CAMKMT: variants seen among roughly 807,000 people sequenced by gnomAD.
The protein encoded by CAMKMT is calmodulin-lysine N-methyltransferase, also known as CaM KMT.
In CAMKMT, 53 loss-of-function variants were observed where a neutral mutation model predicts 48.0. That is an observed-to-expected ratio of 1.10 (90% CI 0.89 to 1.39). CAMKMT has a LOEUF of 1.39. CAMKMT is among the 40% of genes most tolerant of loss of function. The pLI is 0.00. For missense variants in CAMKMT, 428 were observed against 402.7 expected, an observed-to-expected ratio of 1.06 and a Z score of -0.54; for synonymous variants, 165 against 152.3, an observed-to-expected ratio of 1.08 and a Z score of -0.61.
intron 3 of CAMKMT, among the ~76,000 whole-genome samples, chr2:44,580,220 G>T (rs1669475835): frequency 7.6e-6 from 1 of 130,984 alleles, no homozygotes; most frequent in Non-Finnish European, 1.7e-5. Flanking sequence ...TAATGATTGA[G>T]AATGAACTAG....
At chr2:44,438,904 A>G (rs1000556454) in intron 3 of CAMKMT, among the ~76,000 whole-genome samples, 4 of 152,178 alleles carry the variant, frequency 2.6e-5, no homozygotes, top group African/African-American at 9.6e-5. Context: ...CTACTGGGAA[A>G]ATGGACACGG....
intron 3 of CAMKMT, among the ~76,000 whole-genome samples, chr2:44,421,765 C>T (rs1683951183): frequency 6.6e-6 from 1 of 152,058 alleles, no homozygotes; most frequent in Non-Finnish European, 1.5e-5. Flanking sequence ...GTTTTTAGAA[C>T]AACAATGGAT....
At chr2:44,619,076 A>G (rs1672039607) in intron 3 of CAMKMT, among the ~76,000 whole-genome samples, 1 of 152,216 alleles carries the variant, frequency 6.6e-6, no homozygotes, top group Admixed American at 6.5e-5. Context: ...TGGAAGGGAT[A>G]TAAACAGAAG....
chr2:44,410,976 A>G (rs2104477202), intron 3 of CAMKMT, among the ~76,000 whole-genome samples: 1 of 152,332 alleles, frequency 6.6e-6, no homozygotes, highest in East Asian at 1.9e-4. Context: ...TTTGGTTAAG[A>G]TGTTCCTATT....
intron 3 of CAMKMT, among the ~76,000 whole-genome samples, chr2:44,694,081 G>T (rs1437301622): frequency 6.6e-6 from 1 of 152,200 alleles, no homozygotes; most frequent in East Asian, 1.9e-4. Context: ...AGTGCTGCTT[G>T]TTGGATGCTG....
intron 8 of CAMKMT, among the ~76,000 whole-genome samples, chr2:44,746,888 C>G (rs1679940215): frequency 6.6e-6 from 1 of 152,186 alleles, no homozygotes; most frequent in African/African-American, 2.4e-5. Flanking sequence ...CCTGTTCAAT[C>G]ACAATATAAT....
At chr2:44,429,074 AGAGCC>A (rs1684468325) in intron 3 of CAMKMT, among the ~76,000 whole-genome samples, 1 of 152,196 alleles carries the variant, frequency 6.6e-6, no homozygotes, top group South Asian at 2.1e-4. Flanking sequence ...CTAAAGTCAA[AGAGCC>A]CAACTCTTCT....
chr2:44,547,885 G>A (rs1197031746), intron 3 of CAMKMT, among the ~76,000 whole-genome samples: 1 of 152,142 alleles, frequency 6.6e-6, no homozygotes, highest in Non-Finnish European at 1.5e-5. Flanking sequence ...AAGCTGCAGT[G>A]GAAAGGGATC....
chr2:44,544,017 C>G (rs1001303367), intron 3 of CAMKMT, among the ~76,000 whole-genome samples: 4 of 152,126 alleles, frequency 2.6e-5, no homozygotes, highest in Admixed American at 1.3e-4. Flanking sequence ...AGATTCCATA[C>G]ACTTTCTGGA....
Position 44,539,847 on chromosome 2 carries a change from T to C in CAMKMT, c.376+149542T>C, listed in dbSNP as rs541962061. On this transcript the variant is annotated intron_variant, in intron 3 of 10. Transcript: ENST00000378494. Reference sequence around the variant, plus strand: ...TGGCATGTCATATCAGGGAATGACATTGATGTGTCTCATTATTGGTGATCT... The same window carrying C: ...TGGCATGTCATATCAGGGAATGACACTGATGTGTCTCATTATTGGTGATCT... 2.0e-4 allele frequency among the ~76,000 whole-genome samples: 31 copies of C among 152,284 alleles called. No homozygotes were observed. In the South Asian group the frequency reaches 4.6e-3, roughly 22 times the overall value.
rs191608421 is a variant in CAMKMT at position 44,504,513 on chromosome 2, C to T, written c.376+114208C>T. ...TATTTAACAACCATTTAATGGATGC[C>T]TATGATGTGCTTCTTTCTGATTTTT... is the stretch of plus-strand genomic sequence containing the variant. On this transcript the variant is annotated intron_variant, in intron 3 of 10. Coordinates refer to ENST00000378494, the MANE Select transcript of CAMKMT (RefSeq NM_024766.5). Among the ~76,000 whole-genome samples the T allele has an allele frequency of 4.6e-5, 7 of 152,242 alleles. No homozygotes were observed. In the East Asian group the frequency reaches 1.4e-3, roughly 29 times the overall value.
At chr2:44,628,241 C>T (rs1002108034) in intron 3 of CAMKMT, among the ~76,000 whole-genome samples, 14 of 152,132 alleles carry the variant, frequency 9.2e-5, no homozygotes, top group Non-Finnish European at 5.9e-5. Flanking sequence ...AGCCACTGTG[C>T]CCATCATTAA....
intron 3 of CAMKMT, among the ~76,000 whole-genome samples, chr2:44,412,071 A>G (rs1433830356): frequency 1.4e-5 from 2 of 146,944 alleles, no homozygotes; most frequent in African/African-American, 5.0e-5. Context: ...CTCTTCTAGG[A>G]TAAAGACATT....
intron 3 of CAMKMT, among the ~76,000 whole-genome samples, chr2:44,607,747 A>G (rs1671366034): frequency 6.6e-6 from 1 of 152,146 alleles, no homozygotes; most frequent in Non-Finnish European, 1.5e-5. Context: ...TGCATATGTA[A>G]TTATAATTTG....
intron 3 of CAMKMT, among the ~76,000 whole-genome samples, chr2:44,541,432 A>T (rs955650817): frequency 3.9e-5 from 6 of 152,102 alleles, no homozygotes; most frequent in South Asian, 4.1e-4. Context: ...ATGTTTATCT[A>T]TATTTTATTA....
chr2:44,591,351 A>G (rs1031448774), intron 3 of CAMKMT, among the ~76,000 whole-genome samples: 4 of 152,012 alleles, frequency 2.6e-5, no homozygotes, highest in African/African-American at 7.3e-5. Context: ...GGGCAGTATG[A>G]CCATTTTCAC....
chr2:44,559,225 G>C (rs979736785), intron 3 of CAMKMT, among the ~76,000 whole-genome samples: 2 of 152,106 alleles, frequency 1.3e-5, no homozygotes, highest in African/African-American at 4.8e-5. Flanking sequence ...TGATGGTGTT[G>C]GAAGGGACTG....
chr2:44,418,938 A>G (rs1008929520), intron 3 of CAMKMT, among the ~76,000 whole-genome samples: 1 of 152,076 alleles, frequency 6.6e-6, no homozygotes, highest in African/African-American at 2.4e-5. Context: ...TGTATTTTTC[A>G]TTTTACAGGT....
intron 3 of CAMKMT, among the ~76,000 whole-genome samples, chr2:44,635,349 A>G (rs537810755): frequency 5.8e-4 from 89 of 152,334 alleles, no homozygotes; most frequent in Non-Finnish European, 9.7e-4. Flanking sequence ...TTTTCTGACT[A>G]TATATCCAGC....
Sources: allele counts gnomAD v4.1 joint callset (sites outside exome capture counted in the v4.1 genomes callset), GRCh38; gene constraint gnomAD v4.1.1; transcripts MANE v1.5; gene names NCBI Gene and HGNC (gene_info 2026-07-23, HGNC 2026-07-21).